The following CLEC12A variants were observed in gnomAD, a reference collection of about 807,000 sequenced individuals.
The protein encoded by CLEC12A is C-type lectin domain family 12 member A.
CLEC12A carries 22 observed loss-of-function variants against 26.5 expected under a neutral mutation model. The ratio of observed to expected loss-of-function variants is 0.83; its 90% CI spans 0.59 to 1.19. CLEC12A has a LOEUF of 1.19. Ranked by LOEUF, CLEC12A falls within the 50% of genes most tolerant of loss-of-function variation. The pLI is 0.00. For synonymous variants in CLEC12A, 119 were observed against 101.9 expected (o/e 1.17, Z -1.01); for missense variants, 353 against 315.6 (o/e 1.12, Z -0.90).
At chr12:9,979,600 A>AT (rs1488384750) in intron 3 of CLEC12A, 76 bp downstream of exon 3, 11 of 1,100,710 alleles carry the variant, frequency 1.0e-5, no homozygotes, top group Non-Finnish European at 1.4e-5. Context: ...TCATTTTATA[A>AT]TTAGCTAGCA....
intron 3 of CLEC12A, 90 bp downstream of exon 3, chr12:9,979,614 T>C (rs1864473123): frequency 2.1e-6 from 2 of 955,224 alleles, no homozygotes; most frequent in Non-Finnish European, 3.1e-6. Flanking sequence ...GCTAGCAGCC[T>C]TTCTCTAGGG....
rs981962864 is a variant in CLEC12A, at chr12:9,985,592, G to T, written c.*566G>T. 6 of 397,640 alleles carry T rather than the reference G, an allele frequency of 1.5e-5. No individual in the cohort carries two copies. Among genetic ancestry groups the T allele is most frequent in the Non-Finnish European group, 2.7e-5 (6 of 225,616 alleles). 24.6% of individuals were successfully genotyped at this position (397,640 alleles called of 1,614,324 possible). A position where few individuals can be genotyped will look rare whatever the true frequency, so the allele number is the denominator to read the frequency against. The stretch of plus-strand genomic sequence containing the variant: ...AAAGCCAATAAACAAAAACGAAAAG[G>T]CAAGTTACGAGACTGACTTATTTTT... On this transcript the variant is annotated 3_prime_UTR_variant, in exon 6 of 6. Transcript: ENST00000304361.
intron 1 of CLEC12A, among the ~76,000 whole-genome samples, chr12:9,974,309 T>C (rs750976213): frequency 2.6e-5 from 4 of 152,168 alleles, no homozygotes; most frequent in Non-Finnish European, 4.4e-5. Flanking sequence ...CTCTACAAGA[T>C]GGAATACTCT....
At chr12:9,971,990 A>G (rs1025654662) in intron 1 of CLEC12A, among the ~76,000 whole-genome samples, 1 of 151,930 alleles carries the variant, frequency 6.6e-6, no homozygotes, top group Admixed American at 6.6e-5. Flanking sequence ...TTATTTCTTT[A>G]TGAGATGAAG....
At chr12:9,980,448 A>G (rs79246913) in intron 3 of CLEC12A, 134 bp from the exon 4 acceptor site, 32,468 of 836,182 alleles carry the variant, frequency 0.039, 766 homozygotes, top group African/African-American at 0.13. Flanking sequence ...AAAAAAAAAA[A>G]GGGGGAAAGA....
At chr12:9,951,690 C>T (rs7957464) in intron 1 of CLEC12A, 88,280 of 329,404 alleles carry the variant, frequency 0.27, 13,166 homozygotes, top group East Asian at 0.48. Context: ...CTTATTGTTG[C>T]AGCAGTTAGA....
downstream of CLEC12A, chr12:9,997,270 T>A (rs1353175038): frequency 5.0e-6 from 8 of 1,610,756 alleles, no homozygotes; most frequent in Non-Finnish European, 3.4e-6. Context: ...GTAATTGCGC[T>A]GCATGACAGC....
At chr12:9,953,230 G>GGGC (rs1863667089) in intron 1 of CLEC12A, 1 of 119,510 alleles carries the variant, frequency 8.4e-6, no homozygotes, top group Non-Finnish European at 1.8e-5. Flanking sequence ...AGGAGGTGAG[G>GGGC]GGCGCCTCTG....
intron 1 of CLEC12A, among the ~76,000 whole-genome samples, chr12:9,978,599 A>G (rs529296303): frequency 6.6e-6 from 1 of 152,232 alleles, no homozygotes; most frequent in Non-Finnish European, 1.5e-5. Context: ...CTTCTCTGTT[A>G]ATTTCCAGCT....
chr12:9,997,297 A>G, downstream of CLEC12A: 1 of 1,595,146 alleles, frequency 6.3e-7, no homozygotes, highest in Non-Finnish European at 8.6e-7. Flanking sequence ...TAAAAAGTAA[A>G]TAATAATAAT....
intron 5 of CLEC12A, among the ~76,000 whole-genome samples, chr12:9,984,415 C>T (rs918291497): frequency 6.6e-6 from 1 of 151,896 alleles, no homozygotes; most frequent in South Asian, 2.1e-4. Context: ...AATCTTTTGC[C>T]AAGTGTCACT....
intron 1 of CLEC12A, among the ~76,000 whole-genome samples, chr12:9,958,466 T>A (rs1259605265): frequency 6.6e-6 from 1 of 152,238 alleles, no homozygotes; most frequent in African/African-American, 2.4e-5. Flanking sequence ...ATGCTTCAAA[T>A]GTAAGCCACG....
At chr12:9,993,242 A>C in intron 4 of CLEC12A, 1 of 1,612,896 alleles carries the variant, frequency 6.2e-7, no homozygotes, top group East Asian at 2.2e-5. Flanking sequence ...CATTATGAAA[A>C]TAAGCACAAT....
chr12:9,975,547 A>C (rs914376945), intron 1 of CLEC12A, among the ~76,000 whole-genome samples: 1 of 152,192 alleles, frequency 6.6e-6, no homozygotes, highest in East Asian at 1.9e-4. Flanking sequence ...CAAAGCATTA[A>C]AGACGTGACT....
At chr12:9,951,723 G>A in intron 1 of CLEC12A, 1 of 293,600 alleles carries the variant, frequency 3.4e-6, no homozygotes, top group Non-Finnish European at 6.6e-6. Context: ...GGTTGTTTGT[G>A]TGTTGATGTA....
At chr12:10,001,125 A>G in the CLEC12A span, among the ~76,000 whole-genome samples, 18 of 152,228 alleles carry the variant, frequency 1.2e-4, no homozygotes, top group African/African-American at 4.1e-4. Flanking sequence ...AAATTATTGT[A>G]AACATTTTTT....
intron 1 of CLEC12A, among the ~76,000 whole-genome samples, chr12:9,976,021 C>A (rs1219748037): frequency 6.6e-6 from 1 of 152,178 alleles, no homozygotes; most frequent in Non-Finnish European, 1.5e-5. Flanking sequence ...GTTTTGGGAA[C>A]CTCTGTCTAG....
At chr12:9,998,036 G>T (rs1865093881), downstream of CLEC12A, among the ~76,000 whole-genome samples, 1 of 151,856 alleles carries the variant, frequency 6.6e-6, no homozygotes, top group Non-Finnish European at 1.5e-5. Flanking sequence ...ACTGAGGAGG[G>T]TCTTAAAGGC....
At chr12:9,999,586 C>T (rs1865131181), downstream of CLEC12A, among the ~76,000 whole-genome samples, 1 of 152,282 alleles carries the variant, frequency 6.6e-6, no homozygotes, top group Middle Eastern at 3.4e-3. Flanking sequence ...CTGATAGGGG[C>T]TAAATTAGCT....
Sources: allele counts gnomAD v4.1 joint callset (sites outside exome capture counted in the v4.1 genomes callset), GRCh38; gene constraint gnomAD v4.1.1; transcripts MANE v1.5; gene names NCBI Gene and HGNC (gene_info 2026-07-23, HGNC 2026-07-21).